The following SLC24A2 variants were observed in gnomAD, a reference collection of about 807,000 sequenced individuals.
The protein encoded by SLC24A2 is solute carrier family 24 member 2, also known as sodium/potassium/calcium exchanger 2.
Under a neutral mutation model 62.0 loss-of-function variants are expected in SLC24A2, and 36 were observed. The ratio of observed to expected loss-of-function variants is 0.58; its 90% CI spans 0.44 to 0.77. The LOEUF is 0.77. SLC24A2 is among the 30% of genes least tolerant of loss of function. The pLI is 0.00. For missense variants in SLC24A2, 846 were observed against 817.9 expected (o/e 1.03, Z -0.42); for synonymous variants, 358 against 294.0 (o/e 1.22, Z -2.23).
At chr9:20,197,999 T>A in the SLC24A2 span, among the ~76,000 whole-genome samples, 1 of 152,202 alleles carries the variant, frequency 6.6e-6, no homozygotes, top group African/African-American at 2.4e-5. Context: ...GCTGAAGATT[T>A]CCCTTCCCCT....
chr9:19,716,210 T>C (rs377411078), intron 2 of SLC24A2, among the ~76,000 whole-genome samples: 122 of 152,272 alleles, frequency 8.0e-4, no homozygotes, highest in African/African-American at 2.8e-3. Flanking sequence ...TATCGCAAGA[T>C]ACCATGTGCA....
Position 19,668,118 on chromosome 9 carries a change from C to T in SLC24A2, c.931-45819G>A, listed in dbSNP as rs533946134. Among the ~76,000 whole-genome samples the T allele has an allele frequency of 5.3e-5, 8 of 152,268 alleles. 1 individual carries two copies. The East Asian group carries it at 1.2e-3, about 22-fold the overall frequency. On this transcript the variant is annotated intron_variant, in intron 2 of 10. Transcript: ENST00000341998. ...CTCCTCAGGCCCTAGTGTGGACACA[C>T]CAGATACCCAACAACTTTTGAAGTA... is the stretch of plus-strand genomic sequence containing the variant.
At chr9:19,603,823 G>A (rs1317710380) in intron 4 of SLC24A2, among the ~76,000 whole-genome samples, 1 of 152,150 alleles carries the variant, frequency 6.6e-6, no homozygotes, top group Non-Finnish European at 1.5e-5. Flanking sequence ...TTTTGCGTTG[G>A]AATTTTACTA....
intron 2 of SLC24A2, among the ~76,000 whole-genome samples, chr9:19,783,562 G>A (rs1823076377): frequency 1.3e-5 from 2 of 152,148 alleles, no homozygotes; most frequent in South Asian, 4.1e-4. Context: ...ATTTCAGGAT[G>A]AATCAAATTA....
the SLC24A2 span, among the ~76,000 whole-genome samples, chr9:19,991,322 T>C: frequency 2.0e-5 from 3 of 152,142 alleles, no homozygotes; most frequent in Non-Finnish European, 4.4e-5. Context: ...GCATCCAGCA[T>C]GGGAGAAAGA....
chr9:19,963,907 G>C, the SLC24A2 span, among the ~76,000 whole-genome samples: 1 of 152,180 alleles, frequency 6.6e-6, no homozygotes, highest in Admixed American at 6.5e-5. Context: ...CTGCTATAAA[G>C]ACACATGCAC....
chr9:19,529,622 C>A (rs777443593), intron 8 of SLC24A2, among the ~76,000 whole-genome samples: 1 of 152,038 alleles, frequency 6.6e-6, no homozygotes, highest in Non-Finnish European at 1.5e-5. Flanking sequence ...TTTCCCTGCT[C>A]CCTTTCTTTC....
At chr9:20,236,104 G>A in the SLC24A2 span, among the ~76,000 whole-genome samples, 8 of 152,130 alleles carry the variant, frequency 5.3e-5, no homozygotes, top group African/African-American at 9.7e-5. Flanking sequence ...TGAGATAGGC[G>A]GTGAATTTTT....
At position 19,745,010 on chromosome 9, in the gene SLC24A2, A is replaced by T. The variant is rs113708540; in HGVS notation, c.930+40927T>A. On this transcript the variant is annotated intron_variant, in intron 2 of 10. Coordinates refer to ENST00000341998, the MANE Select transcript of SLC24A2 (RefSeq NM_020344.4). ...CAAATCTCCTGTTGAAATGTGACCT[A>T]GCATGTTGGAGGGGATCCTAGTGGG... Among the ~76,000 whole-genome samples, 468 of 152,316 alleles carry T rather than the reference A, an allele frequency of 3.1e-3. 1 individual carries two copies. The highest frequency in any genetic ancestry group is 0.011 in the African/African-American group (446 of 41,572).
chr9:19,561,212 G>A (rs932957967), intron 7 of SLC24A2, among the ~76,000 whole-genome samples: 1 of 151,634 alleles, frequency 6.6e-6, no homozygotes, highest in Non-Finnish European at 1.5e-5. Context: ...TTACAGGCGT[G>A]AGCCACCACA....
the SLC24A2 span, among the ~76,000 whole-genome samples, chr9:20,180,284 G>C: frequency 6.6e-6 from 1 of 151,970 alleles, no homozygotes; most frequent in African/African-American, 2.4e-5. Flanking sequence ...GATCAGCTGA[G>C]GTTACACATT....
chr9:19,785,115 A>G (rs569456970), intron 2 of SLC24A2, among the ~76,000 whole-genome samples: 10 of 152,322 alleles, frequency 6.6e-5, no homozygotes, highest in Middle Eastern at 3.4e-3. Context: ...ACCACATACG[A>G]TTGTATTGAT....
chr9:20,123,896 T>A, the SLC24A2 span, among the ~76,000 whole-genome samples: 1 of 152,176 alleles, frequency 6.6e-6, no homozygotes, highest in African/African-American at 2.4e-5. Context: ...ACTGCAAATA[T>A]TGAAGAAAAT....
At chr9:19,711,681 G>GA (rs1820718873) in intron 2 of SLC24A2, among the ~76,000 whole-genome samples, 1 of 152,214 alleles carries the variant, frequency 6.6e-6, no homozygotes, top group South Asian at 2.1e-4. Context: ...GTAGAAATAT[G>GA]AAATCCATGT....
the SLC24A2 span, among the ~76,000 whole-genome samples, chr9:19,998,624 A>T: frequency 1.3e-5 from 2 of 152,184 alleles, no homozygotes; most frequent in Non-Finnish European, 2.9e-5. Flanking sequence ...CCTCTTCTCC[A>T]TCCCTTTGTG....
At chr9:19,748,624 C>T (rs1392339298) in intron 2 of SLC24A2, among the ~76,000 whole-genome samples, 1 of 152,042 alleles carries the variant, frequency 6.6e-6, no homozygotes, top group Non-Finnish European at 1.5e-5. Context: ...ATTGGTCAGT[C>T]CCTTCATCTA....
chr9:19,845,700 A>T, the SLC24A2 span, among the ~76,000 whole-genome samples: 7,009 of 152,084 alleles, frequency 0.046, 587 homozygotes, highest in African/African-American at 0.16. Flanking sequence ...TCTGGGATCT[A>T]TTTAACTTTT....
the SLC24A2 span, among the ~76,000 whole-genome samples, chr9:20,286,173 G>A: frequency 6.6e-6 from 1 of 152,156 alleles, no homozygotes; most frequent in African/African-American, 2.4e-5. Context: ...TCCAGAGGTG[G>A]GTGCGCATAT....
At chr9:19,767,971 G>C (rs1822570917) in intron 2 of SLC24A2, among the ~76,000 whole-genome samples, 1 of 152,060 alleles carries the variant, frequency 6.6e-6, no homozygotes, top group African/African-American at 2.4e-5. Flanking sequence ...GGCAGCATGG[G>C]GCATCGCATG....
Sources: allele counts gnomAD v4.1 joint callset (sites outside exome capture counted in the v4.1 genomes callset), GRCh38; gene constraint gnomAD v4.1.1; transcripts MANE v1.5; gene names NCBI Gene and HGNC (gene_info 2026-07-23, HGNC 2026-07-21).